DLGAP2: variants seen among roughly 807,000 people sequenced by gnomAD.
DLGAP2 encodes disks large-associated protein 2.
In DLGAP2, 26 loss-of-function variants were observed where a neutral mutation model predicts 100.3. That is an observed-to-expected ratio of 0.26 (90% CI 0.19 to 0.36). The LOEUF (loss-of-function observed/expected upper bound fraction) is 0.36. DLGAP2 is among the 10% of genes least tolerant of loss of function. The pLI is 1.00. For missense variants in DLGAP2, 1,858 were observed against 1,453.2 expected, an observed-to-expected ratio of 1.28 and a Z score of -4.53; for synonymous variants, 886 against 630.1, an observed-to-expected ratio of 1.41 and a Z score of -6.08.
chr8:1,005,262 C>G (rs1409684586), intron 2 of DLGAP2, among the ~76,000 whole-genome samples: 2 of 152,130 alleles, frequency 1.3e-5, no homozygotes, highest in East Asian at 1.9e-4. Flanking sequence ...AGCTTGTGTT[C>G]TTGGAGTGAA....
intron 4 of DLGAP2, among the ~76,000 whole-genome samples, chr8:1,510,265 A>C (rs1440424472): frequency 6.6e-6 from 1 of 152,224 alleles, no homozygotes; most frequent in African/African-American, 2.4e-5. Flanking sequence ...ATGTGTTTGG[A>C]GGTCAGCCTG....
intron 8 of DLGAP2, among the ~76,000 whole-genome samples, chr8:1,651,559 G>T (rs1409590758): frequency 6.6e-6 from 1 of 152,152 alleles, no homozygotes; most frequent in African/African-American, 2.4e-5. Flanking sequence ...TGGCGGCTGG[G>T]GCGTCCATCC....
At chr8:1,107,438 G>C (rs1320057183) in intron 2 of DLGAP2, among the ~76,000 whole-genome samples, 1 of 152,208 alleles carries the variant, frequency 6.6e-6, no homozygotes, top group East Asian at 1.9e-4. Context: ...CAAAGGAAGC[G>C]TCTGTGCACC....
chr8:1,701,480 G>A lies in DLGAP2; in HGVS notation c.*74G>A, dbSNP rs1799568980. The A allele has an allele frequency of 2.8e-6, 4 of 1,436,808 alleles. No homozygotes were observed. The highest frequency in any genetic ancestry group is 3.7e-6 in the Non-Finnish European group (4 of 1,069,688). 89.0% of individuals were successfully genotyped at this position (1,436,808 alleles called of 1,614,324 possible). ...TTGTGCAGCGCGGCGCCGCCCTGGTGGTTTCTGTCTCCTCCTCCCGCTGAA... is the reference window on the plus strand; with the variant it reads ...TTGTGCAGCGCGGCGCCGCCCTGGTAGTTTCTGTCTCCTCCTCCCGCTGAA... On this transcript the variant is annotated 3_prime_UTR_variant, in exon 15 of 15. Coordinates refer to ENST00000637795, the MANE Select transcript of DLGAP2 (RefSeq NM_001346810.2).
At chr8:1,034,017 G>A (rs1350772404) in intron 2 of DLGAP2, among the ~76,000 whole-genome samples, 2 of 132,008 alleles carry the variant, frequency 1.5e-5, no homozygotes, top group African/African-American at 3.0e-5. Flanking sequence ...GCGTGTCACC[G>A]CGAGTGGATT....
intron 3 of DLGAP2, among the ~76,000 whole-genome samples, chr8:1,432,860 C>G (rs1168804135): frequency 6.6e-6 from 1 of 152,188 alleles, no homozygotes; most frequent in Admixed American, 6.5e-5. Context: ...GACTTGGGTC[C>G]TGACACAGAC....
intron 3 of DLGAP2, among the ~76,000 whole-genome samples, chr8:1,499,576 G>A (rs1799647767): frequency 6.6e-6 from 1 of 152,240 alleles, no homozygotes; most frequent in Admixed American, 6.5e-5. Context: ...TTTGGCAGAT[G>A]TATTTCATTA....
intron 2 of DLGAP2, among the ~76,000 whole-genome samples, chr8:1,166,785 C>A (rs571648105): frequency 2.0e-5 from 3 of 152,154 alleles, no homozygotes; most frequent in African/African-American, 7.2e-5. Context: ...AATTTACATA[C>A]AATAACAATG....
Position 1,051,727 on chromosome 8 carries a change from C to T in DLGAP2, c.73+143761C>T, listed in dbSNP as rs146753174. The stretch of plus-strand genomic sequence containing the variant: ...GCTTCTTCTCATGCAGATCCCGCCA[C>T]GCTCAGCACAGTGGCTGTATGAGGC... On this transcript the variant is annotated intron_variant, in intron 2 of 14. Coordinates refer to ENST00000637795, the MANE Select transcript of DLGAP2 (RefSeq NM_001346810.2). Among the ~76,000 whole-genome samples the T allele has an allele frequency of 5.4e-3, 820 of 152,204 alleles. 6 individuals are homozygous for T. The highest frequency in any genetic ancestry group is 0.018 in the African/African-American group (763 of 41,532).
intron 1 of DLGAP2, among the ~76,000 whole-genome samples, chr8:880,332 T>C (rs1329106466): frequency 1.3e-5 from 2 of 152,230 alleles, no homozygotes; most frequent in Admixed American, 1.3e-4. Flanking sequence ...AGAATGTAGA[T>C]GTGCTTCTGT....
chr8:1,126,990 G>C (rs144839882), intron 2 of DLGAP2, among the ~76,000 whole-genome samples: 2 of 151,080 alleles, frequency 1.3e-5, no homozygotes, highest in Non-Finnish European at 2.9e-5. Context: ...CCTTCTGCTT[G>C]TGTTCCTGGA....
chr8:1,164,413 C>G lies in DLGAP2; in HGVS notation c.74-94438C>G, dbSNP rs562736206. Among the ~76,000 whole-genome samples the G allele has an allele frequency of 2.7e-3, 242 of 89,574 alleles. 3 individuals carry two copies. The highest frequency in any genetic ancestry group is 0.016 in the South Asian group (38 of 2,384). The allele number at this position is 89,574 out of a possible 152,430, so 58.8% of individuals were successfully genotyped here. ...CCCAGGGCCCGTCGTTTTGGTTTCT[C>G]TGGAGCTGCGATTCAGCCCCATGTG... is the stretch of plus-strand genomic sequence containing the variant. On this transcript the variant is annotated intron_variant, in intron 2 of 14. Transcript: ENST00000637795.
At position 1,184,229 on chromosome 8, in the gene DLGAP2, C is replaced by T. The variant is rs756890292; in HGVS notation, c.74-74622C>T. 9.1e-4 allele frequency among the ~76,000 whole-genome samples: 139 copies of T among 152,202 alleles called. 3 individuals are homozygous for T. The highest frequency in any genetic ancestry group is 1.9e-4 in the Non-Finnish European group (13 of 68,042). ...ATTTAAAAGGTTAAAATTTAAGTTGCACTAAAGAGAACATATACTAAAATA... is the reference window on the plus strand; with the variant it reads ...ATTTAAAAGGTTAAAATTTAAGTTGTACTAAAGAGAACATATACTAAAATA... On this transcript the variant is annotated intron_variant, in intron 2 of 14. Transcript: ENST00000637795.
intron 2 of DLGAP2, among the ~76,000 whole-genome samples, chr8:1,187,705 ACGTTTCCCT>A (rs2116719026): frequency 7.2e-6 from 1 of 137,978 alleles, no homozygotes; most frequent in African/African-American, 2.8e-5. Context: ...GACCTCTGTG[ACGTTTCCCT>A]CACGGAATCT....
chr8:993,162 T>C (rs868441015), intron 2 of DLGAP2, among the ~76,000 whole-genome samples: 33 of 12,046 alleles, frequency 2.7e-3, no homozygotes, highest in Admixed American at 7.0e-3. Context: ...CTTCTCTCCC[T>C]CCTTGCCCGG....
intron 8 of DLGAP2, among the ~76,000 whole-genome samples, chr8:1,653,151 G>T (rs975270747): frequency 1.3e-5 from 2 of 152,152 alleles, no homozygotes; most frequent in African/African-American, 4.8e-5. Context: ...GTGGCATCGC[G>T]TTGGTTCTTA....
intron 3 of DLGAP2, among the ~76,000 whole-genome samples, chr8:1,288,335 G>T (rs1799986069): frequency 6.8e-6 from 1 of 147,502 alleles, no homozygotes; most frequent in Non-Finnish European, 1.5e-5. Flanking sequence ...TTTCGTTTCA[G>T]TGTGTGTGTG....
intron 3 of DLGAP2, among the ~76,000 whole-genome samples, chr8:1,490,527 T>C (rs934862387): frequency 2.6e-5 from 4 of 152,264 alleles, no homozygotes; most frequent in African/African-American, 7.2e-5. Context: ...AGTCCTGTTC[T>C]GTGTTCGTGT....
At chr8:1,589,649 C>T (rs1796231474) in intron 6 of DLGAP2, among the ~76,000 whole-genome samples, 2 of 152,126 alleles carry the variant, frequency 1.3e-5, no homozygotes, top group Admixed American at 6.5e-5. Context: ...GGTTTCATCA[C>T]GTAGCCCAGG....
Sources: gnomAD v4.1 joint callset for allele counts (sites outside exome capture counted in the v4.1 genomes callset) on GRCh38, gnomAD v4.1.1 for gene constraint, MANE v1.5 for transcripts, NCBI Gene and HGNC (gene_info 2026-07-23, HGNC 2026-07-21) for gene names.